Variants in MPDZ observed in about 807,000 individuals in gnomAD.
MPDZ encodes the protein multiple PDZ domain crumbs cell polarity complex component, also known as multiple PDZ domain protein.
In MPDZ, 234 loss-of-function variants were observed where a neutral mutation model predicts 239.1. That is an observed-to-expected ratio of 0.98 (90% CI 0.88 to 1.09). The LOEUF (loss-of-function observed/expected upper bound fraction) is 1.09, where lower values mean the gene tolerates loss of function less well. MPDZ is among the 50% of genes least tolerant of loss of function. The probability of loss-of-function intolerance (pLI) is 0.00; values close to 1 mark genes in which losing one functional copy is unlikely to be tolerated. For missense variants in MPDZ, 3,175 were observed against 2,510.0 expected (o/e 1.26, Z -5.66); for synonymous variants, 1,048 against 881.3 (o/e 1.19, Z -3.35).
At chr9:13,130,444 T>C (rs1227062085) in intron 32 of MPDZ, among the ~76,000 whole-genome samples, 1 of 6,680 alleles carries the variant, frequency 1.5e-4, no homozygotes, top group Non-Finnish European at 3.1e-4. Flanking sequence ...TCACTCTTCC[T>C]TCGCAGATAC....
chr9:13,210,999 T>C (rs1381762642), intron 10 of MPDZ, among the ~76,000 whole-genome samples: 3 of 151,836 alleles, frequency 2.0e-5, no homozygotes, highest in African/African-American at 7.3e-5. Flanking sequence ...AAAGCCAAAA[T>C]AAGGTGTGGG....
chr9:13,160,073 G>A (rs1950282928), intron 23 of MPDZ, among the ~76,000 whole-genome samples: 1 of 152,144 alleles, frequency 6.6e-6, no homozygotes, highest in Non-Finnish European at 1.5e-5. Flanking sequence ...AAAGACACTG[G>A]CAGACAGCAT....
chr9:13,250,324 A>T lies in MPDZ; in HGVS notation c.-9T>A. The T allele has an allele frequency of 6.3e-7, 1 of 1,588,176 alleles. No individual in the cohort carries two copies. The highest frequency in any genetic ancestry group is 1.1e-5 in the South Asian group (1 of 87,164). On this transcript the variant is annotated 5_prime_UTR_variant, in exon 2 of 47. It adds an upstream start codon to the 5' untranslated region. Transcript: ENST00000319217. ...CCAATGGCTTCCAACATTTTTTTCA[A>T]AGTTCAGTGTTCTTCTCTGAAATGA...
At chr9:13,227,267 T>C (rs1026486899) in intron 3 of MPDZ, among the ~76,000 whole-genome samples, 1 of 152,096 alleles carries the variant, frequency 6.6e-6, no homozygotes, top group Non-Finnish European at 1.5e-5. Flanking sequence ...AAGAGATCAA[T>C]GTGTTGAGAA....
In MPDZ at chr9:13,110,062, C is replaced by G. The variant is rs376000436; in HGVS notation, c.5832G>C (p.Val1944=). Residue 1944 remains valine, a splice_region_variant and synonymous_variant, in exon 45 of 47, where the codon GTG becomes GTC. Transcript: ENST00000319217. Reference sequence around the variant, plus strand: ...CCACACTCACGTCTCCTCCAGCAACCACCTGCGCACAGGAGGAGGATAAAC... The same window carrying G: ...CCACACTCACGTCTCCTCCAGCAACGACCTGCGCACAGGAGGAGGATAAAC... ...KNASGSIEMQ[V]VAGGDVSVVT... The G allele has an allele frequency of 8.1e-6, 13 of 1,611,240 alleles. No homozygotes were observed. The highest frequency in any genetic ancestry group is 1.1e-5 in the Non-Finnish European group (13 of 1,178,528).
Position 13,162,683 on chromosome 9 carries a change from T to G in MPDZ, c.3359+8A>C. The G allele has an allele frequency of 5.1e-6, 8 of 1,577,538 alleles. No homozygotes were observed. The highest frequency in any genetic ancestry group is 7.0e-6 in the Non-Finnish European group (8 of 1,149,018). On this transcript the variant is annotated splice_region_variant and intron_variant, in intron 23 of 46. Transcript: ENST00000319217. ...CATTCATTGTATTAGATTTAATGTTTCACTTACCTGCCAGTGTATGAAGAA... is the reference window on the plus strand; with the variant it reads ...CATTCATTGTATTAGATTTAATGTTGCACTTACCTGCCAGTGTATGAAGAA...
chr9:13,219,374 G>T (rs1206049134), intron 8 of MPDZ, among the ~76,000 whole-genome samples, 185 bp downstream of exon 8: 1 of 151,700 alleles, frequency 6.6e-6, no homozygotes, highest in Non-Finnish European at 1.5e-5. Context: ...TTTTTCATTT[G>T]TTTTACACAT....
rs1215614807 is a variant in MPDZ, at chr9:13,176,299, A to G, written c.2768T>C (p.Met923Thr). ...DENTPSVDIS[M>T]GPASGFTIND... Reference sequence around the variant, plus strand: ...TATAGTAAAGCCAGAAGCAGGCCCCATACTTATGTCCACCGAAGGTGTATT... The same window carrying G: ...TATAGTAAAGCCAGAAGCAGGCCCCGTACTTATGTCCACCGAAGGTGTATT... Residue 923 changes from methionine to threonine, a missense_variant, in exon 20 of 47, where the codon ATG (methionine) becomes ACG (threonine). Transcript: ENST00000319217. 6.2e-7 allele frequency: 1 copy of G among 1,610,458 alleles called. No individual in the cohort carries two copies. The highest frequency in any genetic ancestry group is 8.5e-7 in the Non-Finnish European group (1 of 1,178,218).
intron 10 of MPDZ, among the ~76,000 whole-genome samples, chr9:13,215,322 A>ATTGGATATATATATATCACAT (rs1958157889): frequency 5.9e-5 from 9 of 151,694 alleles, no homozygotes; most frequent in Non-Finnish European, 1.3e-4. Context: ...ATAACATTCT[A>ATTGGATATATATATATCACAT]TTGGATATAT....
chr9:13,257,412 C>A (rs562336267), intron 1 of MPDZ, among the ~76,000 whole-genome samples: 4 of 152,304 alleles, frequency 2.6e-5, no homozygotes, highest in Non-Finnish European at 5.9e-5. Context: ...TTGAACCCTA[C>A]TGTCCCTTAT....
chr9:13,183,672 T>G, intron 18 of MPDZ, 87 bp from the exon 19 acceptor site: 1 of 1,255,214 alleles, frequency 8.0e-7, no homozygotes, highest in Non-Finnish European at 1.1e-6. Context: ...AAAGGCAAAC[T>G]GGTATCATTC....
intron 17 of MPDZ, among the ~76,000 whole-genome samples, chr9:13,187,832 A>G (rs1350403046): frequency 6.6e-6 from 1 of 152,148 alleles, no homozygotes; most frequent in Non-Finnish European, 1.5e-5. Flanking sequence ...TTTAACTGCA[A>G]TACAATGATA....
rs551774637 is a variant in MPDZ at position 13,115,084 on chromosome 9, G to A, written c.5466+164C>T. Among the ~76,000 whole-genome samples, 35 of 152,148 alleles carry A rather than the reference G, an allele frequency of 2.3e-4. 1 individual carries two copies. In the South Asian group the frequency reaches 5.6e-3, roughly 24 times the overall value. ...TCAACAGCCACACCTTGTTTACCTG[G>A]CTATTCTGATTCCTTGTTCTTCTCT... is the stretch of plus-strand genomic sequence containing the variant. On this transcript the variant is annotated intron_variant, in intron 40 of 46. Transcript: ENST00000319217.
At chr9:13,279,275 A>G (rs1228021431) in intron 1 of MPDZ, 125 bp downstream of exon 1, 1,258 of 27,408 alleles carry the variant, frequency 0.046, 53 homozygotes, top group African/African-American at 0.11. Context: ...CCCCACCCCC[A>G]TCCCCGCCCC....
At chr9:13,107,170 A>G in intron 46 of MPDZ, 59 bp from the exon 47 acceptor site, 1 of 1,494,566 alleles carries the variant, frequency 6.7e-7, no homozygotes, top group Non-Finnish European at 9.0e-7. Context: ...GCAACTCACA[A>G]CAGAAAAAGA....
rs1247873290 is a variant in MPDZ at position 13,242,315 on chromosome 9, T to C, written c.183+5320A>G. Among the ~76,000 whole-genome samples, 8 of 138,064 alleles carry C rather than the reference T, an allele frequency of 5.8e-5. No homozygotes were observed. The Admixed American group carries it at 6.6e-4, about 11-fold the overall frequency. The allele number at this position is 138,064 out of a possible 152,430, so 90.6% of individuals were successfully genotyped here. A position where few individuals can be genotyped will look rare whatever the true frequency, so the allele number is the denominator to read the frequency against. On this transcript the variant is annotated intron_variant, in intron 3 of 46. Transcript: ENST00000319217. Reference sequence around the variant, plus strand: ...ATCTGGGCTCACCACAACCTCCACTTCCTGGGCTCAAGCAATTCTCGTGCC... The same window carrying C: ...ATCTGGGCTCACCACAACCTCCACTCCCTGGGCTCAAGCAATTCTCGTGCC...
chr9:13,123,367 C>T (rs1944655206), intron 35 of MPDZ, 69 bp from the exon 36 acceptor site: 1 of 1,365,222 alleles, frequency 7.3e-7, no homozygotes, highest in African/African-American at 1.4e-5. Flanking sequence ...AAACTCATCA[C>T]ACAGATTGAC....
intron 11 of MPDZ, 43 bp downstream of exon 11, chr9:13,205,873 C>A (rs199708172): frequency 2.7e-6 from 4 of 1,460,558 alleles, no homozygotes; most frequent in African/African-American, 2.9e-5. Context: ...AAATTGGAGA[C>A]AATATAAAGG....
intron 38 of MPDZ, 200 bp from the exon 39 acceptor site, chr9:13,119,849 AT>A: frequency 1.7e-6 from 1 of 594,480 alleles, no homozygotes. Flanking sequence ...TGCTTCATAG[AT>A]TAAAATGATC....
Sources: allele counts gnomAD v4.1 joint callset (sites outside exome capture counted in the v4.1 genomes callset), GRCh38; gene constraint gnomAD v4.1.1; transcripts MANE v1.5; gene names NCBI Gene and HGNC (gene_info 2026-07-23, HGNC 2026-07-21).